Variants in ACTN1 observed in about 807,000 individuals in gnomAD.
The protein encoded by ACTN1 is alpha-actinin-1.
Under a neutral mutation model 119.6 loss-of-function variants are expected in ACTN1, and 30 were observed. That is an observed-to-expected ratio of 0.25 (90% CI 0.19 to 0.34). The LOEUF (loss-of-function observed/expected upper bound fraction) is 0.34. Ranked by LOEUF, ACTN1 falls within the 10% of genes least tolerant of loss-of-function variation. The probability of loss-of-function intolerance (pLI) is 1.00; values close to 1 mark genes in which losing one functional copy is unlikely to be tolerated. For missense variants in ACTN1, 764 were observed against 1,223.4 expected, an observed-to-expected ratio of 0.62 and a Z score of 5.60; for synonymous variants, 429 against 472.6, an observed-to-expected ratio of 0.91 and a Z score of 1.20.
In ACTN1 at chr14:68,900,600, C is replaced by G. The variant is rs1258491476; in HGVS notation, c.762+1877G>C. 2.0e-5 allele frequency among the ~76,000 whole-genome samples: 3 copies of G among 152,034 alleles called. No individual in the cohort carries two copies. The East Asian group carries it at 5.8e-4, about 30-fold the overall frequency. On this transcript the variant is annotated intron_variant, in intron 8 of 21. Coordinates refer to ENST00000394419, the MANE Select transcript of ACTN1 (RefSeq NM_001130004.2). ...CTTGATGCGGGGTGCAGGGAAGAAG[C>G]TGAGACCACAAGCTTCTCTCTCGCT...
At chr14:68,957,413 T>G (rs551305412) in intron 1 of ACTN1, among the ~76,000 whole-genome samples, 2 of 152,294 alleles carry the variant, frequency 1.3e-5, no homozygotes, top group East Asian at 3.9e-4. Flanking sequence ...AGCTCCTATA[T>G]GCTGAACAAT....
chr14:68,906,897 A>T (rs1419050527), intron 6 of ACTN1, among the ~76,000 whole-genome samples: 3 of 152,012 alleles, frequency 2.0e-5, no homozygotes, highest in African/African-American at 7.2e-5. Context: ...CTGAGGCAGG[A>T]GGGTCACATT....
At chr14:68,916,324 T>C (rs2034292415) in intron 3 of ACTN1, among the ~76,000 whole-genome samples, 1 of 152,172 alleles carries the variant, frequency 6.6e-6, no homozygotes. Context: ...AGATTTGCCC[T>C]CTTGGAGTCC....
At chr14:68,957,258 G>T (rs982211786) in intron 1 of ACTN1, among the ~76,000 whole-genome samples, 1 of 152,146 alleles carries the variant, frequency 6.6e-6, no homozygotes, top group African/African-American at 2.4e-5. Flanking sequence ...ATGGTAAGAG[G>T]GGTTTGGATA....
chr14:68,937,360 G>C (rs1324685311), intron 1 of ACTN1, among the ~76,000 whole-genome samples: 1 of 152,088 alleles, frequency 6.6e-6, no homozygotes, highest in Non-Finnish European at 1.5e-5. Context: ...GTGGGACAAG[G>C]CTCAGGTATT....
At chr14:68,933,980 GA>G (rs60158948) in intron 1 of ACTN1, among the ~76,000 whole-genome samples, 22,493 of 119,608 alleles carry the variant, frequency 0.19, 1,843 homozygotes, top group Non-Finnish European at 0.24. Flanking sequence ...CCTGTCTCAA[GA>G]AAAAAAAAAA....
In ACTN1 at chr14:68,880,594, A is replaced by G. The variant is rs1183555964; in HGVS notation, c.2133+216T>C. 6.6e-6 allele frequency among the ~76,000 whole-genome samples: 1 copy of G among 152,228 alleles called. No individual in the cohort carries two copies. Among genetic ancestry groups the G allele is most frequent in the African/African-American group, 2.4e-5 (1 of 41,462 alleles). On this transcript the variant is annotated intron_variant, in intron 17 of 21. Transcript: ENST00000394419. This position sits in a 1 kb window ranked among gnomAD's most constrained non-coding sequence, Gnocchi z 4.6. ...TTATTCTGAACTCCACCCCAGAATT[A>G]GTGAAGCAAATTCTAGAGATGGGGC...
chr14:68,909,455 C>T lies in ACTN1; in HGVS notation c.516-59G>A. 1.3e-6 allele frequency: 2 copies of T among 1,562,954 alleles called. No individual in the cohort carries two copies. The highest frequency in any genetic ancestry group is 8.8e-7 in the Non-Finnish European group (1 of 1,137,184). ...TAAATGAGGCTGAACAAACGGGCAA[C>T]CAGGGCAAAGCAGGGGCCTCCTAGA... On this transcript the variant is annotated intron_variant, in intron 5 of 21. Transcript: ENST00000394419. This position sits in a 1 kb window ranked among gnomAD's most constrained non-coding sequence, Gnocchi z 4.1.
chr14:68,971,458 T>C (rs910406298), intron 1 of ACTN1, among the ~76,000 whole-genome samples: 5 of 152,208 alleles, frequency 3.3e-5, no homozygotes, highest in African/African-American at 9.7e-5. Context: ...TCCGAGTACC[T>C]TGGGCTTGTG....
chr14:68,918,979 C>T (rs993573735), intron 3 of ACTN1, among the ~76,000 whole-genome samples: 6 of 152,170 alleles, frequency 3.9e-5, no homozygotes, highest in Non-Finnish European at 7.3e-5. Context: ...ATCCTACGAG[C>T]CCATCATGAG....
intron 2 of ACTN1, 110 bp from the exon 3 acceptor site, chr14:68,921,235 G>A (rs1261071966): frequency 8.6e-6 from 12 of 1,392,332 alleles, no homozygotes; most frequent in Non-Finnish European, 1.1e-5. Context: ...GCAGAAGCAT[G>A]TGCATGTGTG....
Position 68,874,137 on chromosome 14 carries a change from G to C in ACTN1, c.*722C>G, listed in dbSNP as rs925612963. On this transcript the variant is annotated 3_prime_UTR_variant, in exon 22 of 22. Coordinates refer to ENST00000394419, the MANE Select transcript of ACTN1 (RefSeq NM_001130004.2). ...AGGCAAAGAGCTGTCATAGGAGTGT[G>C]GTTTTTTTAATACCATCTGTGCCAA... 6.6e-6 allele frequency: 1 copy of C among 152,120 alleles called. No individual in the cohort carries two copies. The highest frequency in any genetic ancestry group is 2.4e-5 in the African/African-American group (1 of 41,370). 9.4% of individuals were successfully genotyped at this position (152,120 alleles called of 1,614,324 possible).
In ACTN1 at chr14:68,959,464, C is replaced by T. The variant is rs79028564; in HGVS notation, c.105+19488G>A. ...GTGCTTACAAAAAGTGCCCCTTTCTCGTGAACTGGTATACTTTCTTTTACT... is the reference window on the plus strand; with the variant it reads ...GTGCTTACAAAAAGTGCCCCTTTCTTGTGAACTGGTATACTTTCTTTTACT... On this transcript the variant is annotated intron_variant, in intron 1 of 21. Coordinates refer to ENST00000394419, the MANE Select transcript of ACTN1 (RefSeq NM_001130004.2). Among the ~76,000 whole-genome samples the T allele has an allele frequency of 1.7e-3, 261 of 152,338 alleles. 5 individuals are homozygous for T. The East Asian group carries it at 0.04, about 23-fold the overall frequency.
At chr14:68,887,805 T>C in intron 11 of ACTN1, 1 of 914,102 alleles carries the variant, frequency 1.1e-6, no homozygotes. Context: ...TCGGCTTCTT[T>C]CTCTCCTGCT....
At chr14:68,903,943 C>G (rs1347299089) in intron 7 of ACTN1, among the ~76,000 whole-genome samples, 2 of 152,162 alleles carry the variant, frequency 1.3e-5, no homozygotes, top group African/African-American at 4.8e-5. Context: ...GTGTCGAACC[C>G]TGAACCTGTC....
At chr14:68,901,894 T>A (rs1166263835) in intron 8 of ACTN1, among the ~76,000 whole-genome samples, 1 of 152,162 alleles carries the variant, frequency 6.6e-6, no homozygotes, top group East Asian at 1.9e-4. Context: ...GTTCTGCTTA[T>A]GTCTGAGAAC....
intron 2 of ACTN1, among the ~76,000 whole-genome samples, chr14:68,922,332 C>A (rs1049708061): frequency 6.6e-6 from 1 of 152,228 alleles, no homozygotes; most frequent in Non-Finnish European, 1.5e-5. Flanking sequence ...GACTTCCTGC[C>A]ACAGATGGGA....
intron 3 of ACTN1, among the ~76,000 whole-genome samples, chr14:68,917,064 CAA>C (rs1439062601): frequency 6.6e-6 from 1 of 152,188 alleles, no homozygotes; most frequent in African/African-American, 2.4e-5. Flanking sequence ...TCCACCTGCC[CAA>C]AGACCTTAAA....
intron 10 of ACTN1, among the ~76,000 whole-genome samples, chr14:68,891,779 T>C (rs1279064204): frequency 6.6e-6 from 1 of 152,102 alleles, no homozygotes; most frequent in East Asian, 1.9e-4. Context: ...GATGATTTTT[T>C]GTGAGAGGGA....
Sources: allele counts gnomAD v4.1 joint callset (sites outside exome capture counted in the v4.1 genomes callset), GRCh38; gene constraint gnomAD v4.1.1; non-coding constraint Gnocchi (gnomAD v3.1); transcripts MANE v1.5; gene names NCBI Gene and HGNC (gene_info 2026-07-23, HGNC 2026-07-21).